Variants in TSGA10IP observed in about 807,000 individuals in gnomAD.
TSGA10IP encodes testis-specific protein 10-interacting protein.
TSGA10IP carries 64 observed loss-of-function variants against 63.2 expected under a neutral mutation model. The observed-to-expected ratio is 1.01, with a 90% CI of 0.83 to 1.25. The LOEUF (loss-of-function observed/expected upper bound fraction) is 1.25. Among genes scored for constraint, TSGA10IP ranks in the 50% most tolerant of loss-of-function variants. The pLI is 0.00. For synonymous variants in TSGA10IP, 316 were observed against 298.3 expected (o/e 1.06, Z -0.61); for missense variants, 681 against 710.1 (o/e 0.96, Z 0.47).
intron 4 of TSGA10IP, among the ~76,000 whole-genome samples, chr11:65,950,550 T>C (rs2134872132): frequency 6.7e-6 from 1 of 150,368 alleles, no homozygotes; most frequent in East Asian, 2.0e-4. Flanking sequence ...TGAGCCACCA[T>C]GCCTGGCTAA....
chr11:65,957,126 G>A (rs970693421), intron 5 of TSGA10IP, among the ~76,000 whole-genome samples: 1 of 152,096 alleles, frequency 6.6e-6, no homozygotes, highest in African/African-American at 2.4e-5. Context: ...ACACCCATAG[G>A]CACCACTTCC....
intron 5 of TSGA10IP, among the ~76,000 whole-genome samples, chr11:65,958,063 C>T (rs1855055384): frequency 6.6e-6 from 1 of 152,188 alleles, no homozygotes; most frequent in African/African-American, 2.4e-5. Flanking sequence ...AAGCGATCCT[C>T]CCACCTTGGC....
chr11:65,950,031 T>C (rs1854917598), intron 4 of TSGA10IP, among the ~76,000 whole-genome samples: 1 of 151,406 alleles, frequency 6.6e-6, no homozygotes, highest in East Asian at 2.0e-4. Context: ...TTTTGTATTT[T>C]TAATAGAGAT....
At chr11:65,955,915 A>G (rs971357551) in intron 5 of TSGA10IP, among the ~76,000 whole-genome samples, 37 of 152,338 alleles carry the variant, frequency 2.4e-4, no homozygotes, top group Non-Finnish European at 4.9e-4. Flanking sequence ...CCTTCCCCCA[A>G]GAGCCCAAAC....
intron 5 of TSGA10IP, among the ~76,000 whole-genome samples, chr11:65,954,292 A>C (rs1237302999): frequency 7.3e-5 from 11 of 150,354 alleles, no homozygotes; most frequent in African/African-American, 2.7e-4. Flanking sequence ...CAGTCTCCCG[A>C]GTAGCTGAGA....
intron 7 of TSGA10IP, among the ~76,000 whole-genome samples, 187 bp downstream of exon 7, chr11:65,959,501 T>C (rs1325449600): frequency 2.0e-5 from 3 of 152,144 alleles, no homozygotes; most frequent in African/African-American, 7.2e-5. Flanking sequence ...AAGGGCCTTC[T>C]TTAAGGACGC....
At chr11:65,951,750 T>G (rs994632290) in intron 4 of TSGA10IP, among the ~76,000 whole-genome samples, 1 of 151,840 alleles carries the variant, frequency 6.6e-6, no homozygotes, top group Non-Finnish European at 1.5e-5. Context: ...TCTTGCTATG[T>G]GGCCCAGGCT....
exon 7 of TSGA10IP, chr11:65,959,254 A>T: frequency 6.2e-7 from 1 of 1,610,432 alleles, no homozygotes; most frequent in South Asian, 1.1e-5. Flanking sequence ...GGGCTGGATG[A>T]GGAGCAGCTG....
chr11:65,951,037 C>A (rs1412254480), intron 4 of TSGA10IP, among the ~76,000 whole-genome samples: 1 of 152,148 alleles, frequency 6.6e-6, no homozygotes, highest in East Asian at 1.9e-4. Context: ...ATGGGATTTT[C>A]TTCTTTTTAA....
exon 3 of TSGA10IP, chr11:65,947,234 A>G (rs1854852591): frequency 1.2e-6 from 2 of 1,609,872 alleles, no homozygotes; most frequent in African/African-American, 1.3e-5. Flanking sequence ...AGCCCTGCCC[A>G]TGCCCTCCTC....
intron 5 of TSGA10IP, among the ~76,000 whole-genome samples, chr11:65,956,198 C>T (rs1024503506): frequency 4.8e-5 from 7 of 147,134 alleles, no homozygotes; most frequent in African/African-American, 1.6e-4. Flanking sequence ...AGTGCAATGG[C>T]GCGATCTCGG....
At chr11:65,952,762 A>G (rs948563932) in intron 4 of TSGA10IP, among the ~76,000 whole-genome samples, 3 of 151,094 alleles carry the variant, frequency 2.0e-5, no homozygotes, top group South Asian at 4.2e-4. Context: ...TCCTGGGCTC[A>G]AGCGATCCAC....
In TSGA10IP at chr11:65,959,776, T is replaced by A. The variant is rs754910396; in HGVS notation, c.1548-41T>A. 4 of 1,522,702 alleles carry A rather than the reference T, an allele frequency of 2.6e-6. No homozygotes were observed. The African/African-American group carries it at 5.6e-5, about 21-fold the overall frequency. The allele number at this position is 1,522,702 out of a possible 1,614,324, so 94.3% of individuals were successfully genotyped here. Reference sequence around the variant, plus strand: ...TCAGTGGTTTCCTTGGGCATGGGGGTGGGAGCTGCAGAGTCAGGGGCCTCT... The same window carrying A: ...TCAGTGGTTTCCTTGGGCATGGGGGAGGGAGCTGCAGAGTCAGGGGCCTCT... On this transcript the variant is annotated intron_variant, in intron 7 of 7. Transcript: ENST00000532620.
chr11:65,959,886 C>T, exon 8 of TSGA10IP: 1 of 1,610,988 alleles, frequency 6.2e-7, no homozygotes, highest in Non-Finnish European at 8.5e-7. Flanking sequence ...AACCCACCGG[C>T]AGCCAGCCTG....
intron 1 of TSGA10IP, among the ~76,000 whole-genome samples, chr11:65,946,471 G>A (rs1461039935): frequency 6.6e-6 from 1 of 152,024 alleles, no homozygotes; most frequent in East Asian, 1.9e-4. Context: ...CACTCTTGTT[G>A]CCCAGGCTGG....
intron 5 of TSGA10IP, among the ~76,000 whole-genome samples, chr11:65,956,981 A>C (rs967075641): frequency 1.3e-5 from 2 of 152,222 alleles, no homozygotes. Context: ...TCTCTCAGCC[A>C]TTACAGCCTA....
Position 65,958,984 on chromosome 11 carries a change from T to G in TSGA10IP, c.1422+2T>G. On this transcript the variant is annotated splice_donor_variant, in intron 6 of 7. Coordinates refer to ENST00000532620, the Ensembl canonical transcript of TSGA10IP. LOFTEE classifies it high-confidence loss of function. ...TTCCTGTTCCAGCAGGCTATGCAGG[T>G]GAGGCTGGCACCTGGGCAAGCACAT... 1 of 1,612,760 alleles carries G rather than the reference T, an allele frequency of 6.2e-7. No individual in the cohort carries two copies. Among genetic ancestry groups the G allele is most frequent in the Non-Finnish European group, 8.5e-7 (1 of 1,179,686 alleles).
Position 65,945,546 on chromosome 11 carries a change from T to A in TSGA10IP, c.-130T>A. The A allele has an allele frequency of 1.0e-6, 1 of 978,122 alleles. No individual in the cohort carries two copies. The highest frequency in any genetic ancestry group is 1.5e-6 in the Non-Finnish European group (1 of 665,478). The allele number at this position is 978,122 out of a possible 1,614,324, so 60.6% of individuals were successfully genotyped here. On this transcript the variant is annotated 5_prime_UTR_variant, in exon 1 of 8. An upstream open reading frame in the 5' UTR gains an earlier in-frame stop. Coordinates refer to ENST00000532620, the Ensembl canonical transcript of TSGA10IP. ...GCTGAACTCTCTCCCAGAAGGAGAT[T>A]GGCCTCACATACCCCACTGACCCCT...
At chr11:65,948,075 T>C (rs777780356) in exon 4 of TSGA10IP, 2 of 1,589,962 alleles carry the variant, frequency 1.3e-6, no homozygotes, top group Admixed American at 1.8e-5. Flanking sequence ...GGCCTATGCC[T>C]CGGGATACGA....
Sources: gnomAD v4.1 joint callset for allele counts (sites outside exome capture counted in the v4.1 genomes callset) on GRCh38, gnomAD v4.1.1 for gene constraint, MANE v1.5 for transcripts, NCBI Gene and HGNC (gene_info 2026-07-23, HGNC 2026-07-21) for gene names.